Variants in MED12L observed in about 807,000 individuals in gnomAD.
The protein encoded by MED12L is mediator of RNA polymerase II transcription subunit 12-like protein.
MED12L carries 60 observed loss-of-function variants against 281.3 expected under a neutral mutation model. The observed-to-expected ratio is 0.21, with a 90% confidence interval of 0.17 to 0.26. The LOEUF (loss-of-function observed/expected upper bound fraction) is 0.26. MED12L is among the 10% of genes least tolerant of loss of function. The probability of loss-of-function intolerance (pLI) is 1.00; values close to 1 mark genes in which losing one functional copy is unlikely to be tolerated. For missense variants in MED12L, 2,146 were observed against 2,680.9 expected (o/e 0.80, Z 4.41); for synonymous variants, 974 against 987.2 (o/e 0.99, Z 0.25).
intron 40 of MED12L, 88 bp from the exon 41 acceptor site, chr3:151,411,190 G>A: frequency 1.8e-6 from 2 of 1,095,302 alleles, no homozygotes. Context: ...GAGTCCTCAT[G>A]GGTTTGTTTT....
chr3:151,350,032 T>G, intron 16 of MED12L, 27 bp from the exon 17 acceptor site: 1 of 1,596,658 alleles, frequency 6.3e-7, no homozygotes. Context: ...CAGACAAGAG[T>G]TTCAGAATGC....
At chr3:151,273,551 C>T (rs1170186379) in intron 16 of MED12L, among the ~76,000 whole-genome samples, 1 of 151,794 alleles carries the variant, frequency 6.6e-6, no homozygotes, top group African/African-American at 2.4e-5. Context: ...TGATTGTGTT[C>T]TTATGCCAAT....
At chr3:151,300,062 CT>C in intron 16 of MED12L, 1 of 1,589,436 alleles carries the variant, frequency 6.3e-7, no homozygotes, top group Non-Finnish European at 8.6e-7. Context: ...CTTACGACGG[CT>C]TACTTGGTAA....
chr3:151,187,718 T>C (rs1314834904), intron 12 of MED12L, among the ~76,000 whole-genome samples: 1 of 152,196 alleles, frequency 6.6e-6, no homozygotes, highest in Non-Finnish European at 1.5e-5. Flanking sequence ...TGAGAGATCT[T>C]ATTGGCGGAA....
At chr3:151,193,429 C>T (rs1309160517) in intron 15 of MED12L, 61 bp from the exon 16 acceptor site, 1 of 1,371,002 alleles carries the variant, frequency 7.3e-7, no homozygotes, top group Non-Finnish European at 1.0e-6. Context: ...GTATGTAGCA[C>T]TGTGGTTTGG....
chr3:151,209,977 G>C (rs775982825), intron 16 of MED12L, among the ~76,000 whole-genome samples: 102 of 152,326 alleles, frequency 6.7e-4, no homozygotes, highest in Admixed American at 1.5e-3. Flanking sequence ...GACTGATGCA[G>C]GCACTCAGCT....
chr3:151,359,980 A>C (rs1754408252), intron 20 of MED12L, among the ~76,000 whole-genome samples: 1 of 152,160 alleles, frequency 6.6e-6, no homozygotes, highest in Admixed American at 6.6e-5. Flanking sequence ...TACATAGGGG[A>C]ATGTATACAT....
chr3:151,413,251 A>G lies in MED12L; in HGVS notation c.6253A>G (p.Arg2085Gly). The change falls in exon 42 of 45, where the codon AGA becomes GGA. Residue 2085 changes from arginine to glycine, a missense_variant. Transcript: ENST00000687756. ...PSVPLPQDPMRPRQPQVRQQQ... is the reference protein window; with the variant it reads ...PSVPLPQDPMGPRQPQVRQQQ... ...CGTGCCCCTGCCTCAGGATCCCATG[A>G]GACCCAGACAGCCGCAAGTTCGACA... 9 of 1,614,188 alleles carry G rather than the reference A, an allele frequency of 5.6e-6. No individual in the cohort carries two copies. Among genetic ancestry groups the G allele is most frequent in the Non-Finnish European group, 5.9e-6 (7 of 1,180,020 alleles).
chr3:151,156,393 T>C, intron 6 of MED12L, 63 bp downstream of exon 6: 10 of 1,463,530 alleles, frequency 6.8e-6, no homozygotes, highest in Non-Finnish European at 9.2e-6. Context: ...AAATTCCTTA[T>C]AGTTTGGTGT....
intron 2 of MED12L, among the ~76,000 whole-genome samples, chr3:151,096,717 C>T (rs1308193004): frequency 6.6e-6 from 1 of 152,150 alleles, no homozygotes; most frequent in Non-Finnish European, 1.5e-5. Flanking sequence ...TTGTTCTAAC[C>T]ATCTCATTCA....
chr3:151,255,547 C>CTT (rs1173939855), intron 16 of MED12L, among the ~76,000 whole-genome samples: 4 of 152,156 alleles, frequency 2.6e-5, no homozygotes, highest in African/African-American at 9.6e-5. Flanking sequence ...TGCTATGGGC[C>CTT]TTTTCAGACA....
chr3:151,357,004 A>G (rs1754012239), intron 19 of MED12L, among the ~76,000 whole-genome samples: 1 of 152,174 alleles, frequency 6.6e-6, no homozygotes, highest in African/African-American at 2.4e-5. Flanking sequence ...TTATTTCAGC[A>G]CTGGGTACTT....
At chr3:151,385,455 T>G (rs1376358168) in intron 36 of MED12L, among the ~76,000 whole-genome samples, 1 of 152,096 alleles carries the variant, frequency 6.6e-6, no homozygotes, top group Non-Finnish European at 1.5e-5. Flanking sequence ...AAGAGAAAAC[T>G]AAGTAAAAGC....
At chr3:151,213,896 GA>G in intron 16 of MED12L, 2 of 1,614,050 alleles carry the variant, frequency 1.2e-6, no homozygotes, top group African/African-American at 2.7e-5. Flanking sequence ...ATCACTGACA[GA>G]AGTTTGCTGT....
At chr3:151,266,515 CT>C (rs1281999639) in intron 16 of MED12L, among the ~76,000 whole-genome samples, 1 of 152,144 alleles carries the variant, frequency 6.6e-6, no homozygotes, top group Non-Finnish European at 1.5e-5. Context: ...TAGTGCAGTC[CT>C]TTTTAAAAAT....
At chr3:151,199,791 T>C (rs933881362) in intron 16 of MED12L, among the ~76,000 whole-genome samples, 3 of 151,668 alleles carry the variant, frequency 2.0e-5, no homozygotes, top group African/African-American at 7.3e-5. Context: ...GAAACTAGGG[T>C]TGTGGTTGAG....
intron 16 of MED12L, among the ~76,000 whole-genome samples, chr3:151,313,147 A>C (rs1296336841): frequency 6.6e-6 from 1 of 152,172 alleles, no homozygotes; most frequent in African/African-American, 2.4e-5. Flanking sequence ...AACAGAACGT[A>C]AGCCCATCTC....
At position 151,116,286 on chromosome 3, in the gene MED12L, T is replaced by C. The variant is rs1712804560; in HGVS notation, c.100-52T>C. On this transcript the variant is annotated intron_variant, in intron 2 of 44. Coordinates refer to ENST00000687756, the MANE Select transcript of MED12L (RefSeq NM_001393769.1). ...TTACTTAGGATGCAATATGTGGGAT[T>C]ATGTTGAAGCTTTTACATCCTTCTG... 2.3e-6 allele frequency: 3 copies of C among 1,288,406 alleles called. No homozygotes were observed. In the African/African-American group the frequency reaches 4.4e-5, roughly 19 times the overall value. 79.8% of individuals were successfully genotyped at this position (1,288,406 alleles called of 1,614,324 possible).
In MED12L at chr3:151,141,187, G is replaced by GTTTTTTTTTTTTTTTTT. The variant is rs76965310; in HGVS notation, c.556+13216_556+13217insTTTTTTTTTTTTTTTTT. Among the ~76,000 whole-genome samples the GTTTTTTTTTTTTTTTTT allele has an allele frequency of 1.5e-4, 15 of 99,102 alleles. No individual in the cohort carries two copies. In the East Asian group the frequency reaches 1.8e-3, roughly 12 times the overall value. 65.0% of individuals were successfully genotyped at this position (99,102 alleles called of 152,430 possible). Reference sequence around the variant, plus strand: ...TGGCGTTTTTTTTTTTGTTTTTTTTGTTTTTTTTTTTTTGTTAGTAGAGAC... The same window carrying GTTTTTTTTTTTTTTTTT: ...TGGCGTTTTTTTTTTTGTTTTTTTTGTTTTTTTTTTTTTTTTTTTTTTTTTTTTTTGTTAGTAGAGAC... On this transcript the variant is annotated intron_variant, in intron 5 of 44. Transcript: ENST00000687756.
Sources: allele counts gnomAD v4.1 joint callset (sites outside exome capture counted in the v4.1 genomes callset), GRCh38; gene constraint gnomAD v4.1.1; transcripts MANE v1.5; gene names NCBI Gene and HGNC (gene_info 2026-07-23, HGNC 2026-07-21).